The following TMEM161B variants were observed in gnomAD, a reference collection of about 807,000 sequenced individuals.
TMEM161B encodes transmembrane protein 161B.
Under a neutral mutation model 61.8 loss-of-function variants are expected in TMEM161B, and 34 were observed. The observed-to-expected ratio is 0.55, with a 90% confidence interval of 0.42 to 0.73. TMEM161B has a LOEUF of 0.73. TMEM161B is among the 30% of genes least tolerant of loss of function. The pLI is 0.00. For missense variants in TMEM161B, 456 were observed against 558.5 expected (o/e 0.82, Z 1.85); for synonymous variants, 167 against 192.8 (o/e 0.87, Z 1.11).
intron 1 of TMEM161B, among the ~76,000 whole-genome samples, chr5:88,260,011 G>C (rs182724994): frequency 6.6e-6 from 1 of 152,244 alleles, no homozygotes; most frequent in Admixed American, 6.5e-5. Context: ...CAATCTTGCT[G>C]AGCCTCCATT....
intron 4 of TMEM161B, chr5:88,221,744 A>G (rs1202300559): frequency 2.2e-6 from 1 of 456,138 alleles, no homozygotes; most frequent in Non-Finnish European, 4.4e-6. Context: ...CATCAACATC[A>G]TTTTTTAGAA....
rs368061238 is a variant in TMEM161B, at chr5:88,207,958, G to A, written c.447-778C>T. Among the ~76,000 whole-genome samples, 171 of 152,220 alleles carry A rather than the reference G, an allele frequency of 1.1e-3. 1 individual carries two copies. The highest frequency in any genetic ancestry group is 4.0e-3 in the African/African-American group (165 of 41,534). On this transcript the variant is annotated intron_variant, in intron 5 of 11. Transcript: ENST00000296595. Reference sequence around the variant, plus strand: ...TATCACTTAGTACTTGCCATATGCCGGGCATTACCAATTAACTTTTAATTC... The same window carrying A: ...TATCACTTAGTACTTGCCATATGCCAGGCATTACCAATTAACTTTTAATTC...
At chr5:88,223,155 A>G (rs900485947) in intron 4 of TMEM161B, among the ~76,000 whole-genome samples, 4 of 151,776 alleles carry the variant, frequency 2.6e-5, no homozygotes, top group Non-Finnish European at 5.9e-5. Context: ...GTTCGTTGAA[A>G]TAGCCTAGTT....
downstream of TMEM161B, among the ~76,000 whole-genome samples, chr5:88,191,730 G>A (rs1234999206): frequency 2.0e-5 from 3 of 151,700 alleles, no homozygotes; most frequent in African/African-American, 7.3e-5. Flanking sequence ...GGCCGAGGCA[G>A]GTGGATCACG....
intron 5 of TMEM161B, among the ~76,000 whole-genome samples, chr5:88,218,233 A>G (rs1748269903): frequency 1.3e-5 from 2 of 152,160 alleles, no homozygotes; most frequent in African/African-American, 4.8e-5. Flanking sequence ...AAGAGAGAAA[A>G]TAGAGAAGGG....
intron 1 of TMEM161B, among the ~76,000 whole-genome samples, chr5:88,253,122 A>G (rs1754550103): frequency 6.6e-6 from 1 of 152,120 alleles, no homozygotes; most frequent in Non-Finnish European, 1.5e-5. Context: ...AATTCTAGCT[A>G]TTTTTATTGA....
Position 88,195,775 on chromosome 5 carries a change from C to G in TMEM161B, c.*436G>C. 1.0e-6 allele frequency: 1 copy of G among 988,314 alleles called. No homozygotes were observed. The highest frequency in any genetic ancestry group is 1.2e-6 in the Non-Finnish European group (1 of 831,910). The allele number at this position is 988,314 out of a possible 1,614,324, so 61.2% of individuals were successfully genotyped here. A position where few individuals can be genotyped will look rare whatever the true frequency, so the allele number is the denominator to read the frequency against. On this transcript the variant is annotated 3_prime_UTR_variant, in exon 12 of 12. Transcript: ENST00000296595. ...ATTACCAACAGAAGAGACTTTAGCC[C>G]CTTTCCCTCCCCTAAAGCATGGCTC...
intron 1 of TMEM161B, among the ~76,000 whole-genome samples, chr5:88,258,527 G>C (rs1755284349): frequency 6.6e-6 from 1 of 152,046 alleles, no homozygotes; most frequent in South Asian, 2.1e-4. Context: ...TCTTGACCAA[G>C]GGCGAATGCA....
chr5:88,211,475 C>G (rs1289186879), intron 5 of TMEM161B, among the ~76,000 whole-genome samples: 1 of 151,456 alleles, frequency 6.6e-6, no homozygotes, highest in East Asian at 2.0e-4. Context: ...AAAAGTAAGA[C>G]AAGACCGGGC....
At chr5:88,194,020 G>A (rs939903519), downstream of TMEM161B, among the ~76,000 whole-genome samples, 15 of 151,966 alleles carry the variant, frequency 9.9e-5, no homozygotes. Flanking sequence ...TAGTTTCAGG[G>A]CATACATGTG....
chr5:88,263,377 T>C (rs1426856461), intron 1 of TMEM161B, among the ~76,000 whole-genome samples: 1 of 152,178 alleles, frequency 6.6e-6, no homozygotes, highest in African/African-American at 2.4e-5. Context: ...ATATCCCTGT[T>C]GCCAAAAACA....
rs951578940 is a variant in TMEM161B at position 88,197,655 on chromosome 5, C to T, written c.1186+14G>A. The T allele has an allele frequency of 5.6e-6, 9 of 1,602,418 alleles. No individual in the cohort carries two copies. The highest frequency in any genetic ancestry group is 1.7e-5 in the Admixed American group (1 of 58,376). ...AAAGTAAAAGATGCTTCCTAGTTGC[C>T]AGGGCATGCCTACCTAGTGTTTTCA... On this transcript the variant is annotated intron_variant, in intron 11 of 11. Coordinates refer to ENST00000296595, the MANE Select transcript of TMEM161B (RefSeq NM_153354.5).
intron 1 of TMEM161B, among the ~76,000 whole-genome samples, chr5:88,255,914 T>C (rs142317353): frequency 0.011 from 1,631 of 152,224 alleles, 14 homozygotes; most frequent in South Asian, 0.033. Context: ...CAGTAGAATG[T>C]GTGAATTTGA....
chr5:88,185,764 G>C (rs1285113211), downstream of TMEM161B, among the ~76,000 whole-genome samples: 1 of 151,950 alleles, frequency 6.6e-6, no homozygotes, highest in Non-Finnish European at 1.5e-5. Flanking sequence ...ACATAGCATA[G>C]CAATAAAAAC....
chr5:88,259,902 GACAA>G (rs1249621838), intron 1 of TMEM161B, among the ~76,000 whole-genome samples: 1 of 152,086 alleles, frequency 6.6e-6, no homozygotes, highest in Non-Finnish European at 1.5e-5. Flanking sequence ...TCTTACTCAA[GACAA>G]ACAAAAGACT....
intron 1 of TMEM161B, among the ~76,000 whole-genome samples, chr5:88,250,233 C>G (rs1754159615): frequency 6.6e-6 from 1 of 151,998 alleles, no homozygotes; most frequent in South Asian, 2.1e-4. Flanking sequence ...AGAAGCCTGG[C>G]TGGTAAGAAA....
chr5:88,196,580 A>C (rs1290119216), intron 11 of TMEM161B, 92 bp from the exon 12 acceptor site: 1 of 1,275,884 alleles, frequency 7.8e-7, no homozygotes, highest in Non-Finnish European at 1.1e-6. Context: ...GAAATTAACA[A>C]TATGTTTAGT....
intron 1 of TMEM161B, among the ~76,000 whole-genome samples, chr5:88,247,364 T>C (rs1376613768): frequency 6.6e-6 from 1 of 152,076 alleles, no homozygotes; most frequent in Non-Finnish European, 1.5e-5. Flanking sequence ...GACATTTATG[T>C]TTCATTAAAC....
intron 3 of TMEM161B, among the ~76,000 whole-genome samples, chr5:88,227,085 A>C (rs555758803): frequency 2.0e-5 from 3 of 152,084 alleles, no homozygotes; most frequent in African/African-American, 7.2e-5. Context: ...GCTACTCGTG[A>C]GGCTGAGGTG....
Sources: gnomAD v4.1 joint callset for allele counts (sites outside exome capture counted in the v4.1 genomes callset) on GRCh38, gnomAD v4.1.1 for gene constraint, MANE v1.5 for transcripts, NCBI Gene and HGNC (gene_info 2026-07-23, HGNC 2026-07-21) for gene names.